MAP3K14: variants seen among roughly 807,000 people sequenced by gnomAD.
MAP3K14 encodes the protein mitogen-activated protein kinase kinase kinase 14, also known as NF-kappa-beta-inducing kinase.
MAP3K14 carries 16 observed loss-of-function variants against 99.2 expected under a neutral mutation model. The ratio of observed to expected loss-of-function variants is 0.16; its 90% CI spans 0.11 to 0.24. MAP3K14 has a LOEUF of 0.24. Among genes scored for constraint, MAP3K14 ranks in the 10% least tolerant of loss-of-function variants. The pLI, the probability that MAP3K14 is intolerant of heterozygous loss-of-function variation, is 1.00. For missense variants in MAP3K14, 784 were observed against 1,208.7 expected (o/e 0.65, Z 5.21); for synonymous variants, 462 against 492.4 (o/e 0.94, Z 0.82).
rs2044154682 is a variant in MAP3K14 at position 45,273,398 on chromosome 17, C to T, written c.1657+105G>A. On this transcript the variant is annotated intron_variant, in intron 9 of 15. Transcript: ENST00000344686. ...AGGCTGGTTGCGGGGCTTAAACACACAGGTGGACCTAAGTGTTCACACCTC... is the reference window on the plus strand; with the variant it reads ...AGGCTGGTTGCGGGGCTTAAACACATAGGTGGACCTAAGTGTTCACACCTC... The T allele has an allele frequency of 6.1e-6, 5 of 824,674 alleles. No individual in the cohort carries two copies. The South Asian group carries it at 8.2e-5, about 14-fold the overall frequency. The allele number at this position is 824,674 out of a possible 1,614,324, so 51.1% of individuals were successfully genotyped here. A position where few individuals can be genotyped will look rare whatever the true frequency, so the allele number is the denominator to read the frequency against.
At chr17:45,275,152 TA>T (rs1177840962) in intron 6 of MAP3K14, among the ~76,000 whole-genome samples, 1 of 137,340 alleles carries the variant, frequency 7.3e-6, no homozygotes, top group Non-Finnish European at 1.6e-5. Flanking sequence ...AAAAAAAAAT[TA>T]AAAAAACAAA....
chr17:45,269,913 C>T (rs2044128928), intron 11 of MAP3K14, among the ~76,000 whole-genome samples: 2 of 152,328 alleles, frequency 1.3e-5, no homozygotes, highest in South Asian at 4.1e-4. Flanking sequence ...GGGTCCCTGA[C>T]TTATAGCCAG....
In MAP3K14 at chr17:45,274,491, C is replaced by T. The variant is rs371252633; in HGVS notation, c.1393G>A (p.Val465Ile). 1.9e-6 allele frequency: 3 copies of T among 1,613,854 alleles called. No homozygotes were observed. Among genetic ancestry groups the T allele is most frequent in the Non-Finnish European group, 2.5e-6 (3 of 1,179,890 alleles). Residue 465 changes from valine to isoleucine, a missense_variant, in exon 7 of 16, where the codon GTC becomes ATC. By Grantham distance (29) the Val-to-Ile change is conservative (BLOSUM62 3). This residue lies in a region of MAP3K14 where 200 missense variants were observed against 367.9 expected (regional missense o/e 0.54). Coordinates refer to ENST00000344686, the MANE Select transcript of MAP3K14 (RefSeq NM_003954.5). ...LYGAVREGPW[V>I]NIFMELLEGG... ...TCCAGCAGCTCCATGAAGATGTTGA[C>T]CCAAGGCCCTTCTCTCACAGCTCCA...
chr17:45,289,294 G>C lies in MAP3K14; in HGVS notation c.268C>G (p.Gln90Glu). The C allele has an allele frequency of 3.1e-6, 5 of 1,613,942 alleles. No individual in the cohort carries two copies. The highest frequency in any genetic ancestry group is 3.4e-6 in the Non-Finnish European group (4 of 1,179,836). ...TCTGAAAAGGTGGGGCTGAACTCTT[G>C]GCTATTCTCACCTAAAGCAAAAGGA... ...IIAQAECENS[Q>E]EFSPTFSERI... Residue 90 changes from glutamine (Q) to glutamate (E), a missense_variant, in exon 3 of 16, where the codon CAA (glutamine) becomes GAA (glutamate). Transcript: ENST00000344686.
intron 11 of MAP3K14, 130 bp downstream of exon 11, chr17:45,270,283 G>C: frequency 8.6e-7 from 1 of 1,158,154 alleles, no homozygotes; most frequent in Non-Finnish European, 1.2e-6. Flanking sequence ...TGAGGCTGCT[G>C]CACCCCCATA....
chr17:45,292,192 A>G (rs2044315632), intron 1 of MAP3K14, among the ~76,000 whole-genome samples: 2 of 152,222 alleles, frequency 1.3e-5, no homozygotes, highest in Non-Finnish European at 1.5e-5. Flanking sequence ...GCTTCCTGCA[A>G]GGATGCCTGG....
chr17:45,314,602 T>C (rs1354717813), intron 1 of MAP3K14, among the ~76,000 whole-genome samples: 1 of 152,144 alleles, frequency 6.6e-6, no homozygotes, highest in Non-Finnish European at 1.5e-5. Flanking sequence ...TTTAGTTGCA[T>C]TTTAACCTTT....
chr17:45,291,616 C>T (rs574687321), intron 1 of MAP3K14, among the ~76,000 whole-genome samples: 1 of 152,300 alleles, frequency 6.6e-6, no homozygotes, highest in East Asian at 1.9e-4. Flanking sequence ...AAGAGCAACC[C>T]AGAGTTGCCA....
intron 14 of MAP3K14, 64 bp downstream of exon 14, chr17:45,266,472 GC>G: frequency 6.6e-7 from 1 of 1,523,684 alleles, no homozygotes; most frequent in East Asian, 2.3e-5. Context: ...TCCCTCAATG[GC>G]TGTCTAGCTC....
intron 6 of MAP3K14, among the ~76,000 whole-genome samples, chr17:45,276,868 A>C (rs1334289545): frequency 7.0e-5 from 7 of 100,046 alleles, no homozygotes; most frequent in South Asian, 3.2e-4. Context: ...TCGCTCTGTC[A>C]CCAGGCTGGA....
chr17:45,266,469 A>G lies in MAP3K14; in HGVS notation c.2578+68T>C, dbSNP rs140879190. The G allele has an allele frequency of 1.2e-5, 18 of 1,523,170 alleles. No homozygotes were observed. The African/African-American group carries it at 1.8e-4, about 15-fold the overall frequency. The allele number at this position is 1,523,170 out of a possible 1,614,324, so 94.4% of individuals were successfully genotyped here. ...AGAGGAGGGGAGACAAAATCCCTCA[A>G]TGGCTGTCTAGCTCCAGGCAGATCA... On this transcript the variant is annotated intron_variant, in intron 14 of 15. Coordinates refer to ENST00000344686, the MANE Select transcript of MAP3K14 (RefSeq NM_003954.5).
chr17:45,308,045 A>G (rs570648677), intron 1 of MAP3K14, among the ~76,000 whole-genome samples: 7 of 152,338 alleles, frequency 4.6e-5, no homozygotes, highest in East Asian at 1.9e-4. Flanking sequence ...GGGAAGGTAA[A>G]AAAGGGCTTG....
rs58052118 is a variant in MAP3K14 at position 45,290,932 on chromosome 17, C to A, written c.-20-167G>T. The A allele has an allele frequency of 1.5e-4, 97 of 627,376 alleles. No homozygotes were observed. The African/African-American group carries it at 1.6e-3, about 10-fold the overall frequency. The allele number at this position is 627,376 out of a possible 1,614,324, so 38.9% of individuals were successfully genotyped here. ...CAAACATCCTCAATGGTAACAGAGTCCACCTCTCAACAGCTACACGTTCCA... is the reference window on the plus strand; with the variant it reads ...CAAACATCCTCAATGGTAACAGAGTACACCTCTCAACAGCTACACGTTCCA... On this transcript the variant is annotated intron_variant, in intron 1 of 15. Transcript: ENST00000344686.
intron 6 of MAP3K14, among the ~76,000 whole-genome samples, chr17:45,276,455 G>A (rs2044180742): frequency 6.6e-6 from 1 of 152,172 alleles, no homozygotes. Flanking sequence ...CACTCAGGAA[G>A]TGCTAGCTCC....
rs376778967 is a variant in MAP3K14, at chr17:45,290,533, G to A, written c.213C>T (p.Ser71=). The A allele has an allele frequency of 8.3e-5, 134 of 1,613,722 alleles. No individual in the cohort carries two copies. The highest frequency in any genetic ancestry group is 8.0e-5 in the Non-Finnish European group (94 of 1,179,884). ...TAGAGATGGCAGCTGGCCCTGCCTCGGAGCCTTCCTTGGCTGTGCCCTTGG... is the reference window on the plus strand; with the variant it reads ...TAGAGATGGCAGCTGGCCCTGCCTCAGAGCCTTCCTTGGCTGTGCCCTTGG... ...VITKGTAKEG[S]EAGPAAISII... The change falls in exon 2 of 16, where the codon TCC becomes TCT. Residue 71 remains serine (S), a synonymous_variant. Transcript: ENST00000344686.
intron 2 of MAP3K14, among the ~76,000 whole-genome samples, chr17:45,289,725 C>G (rs2044295935): frequency 6.6e-6 from 1 of 152,166 alleles, no homozygotes; most frequent in South Asian, 2.1e-4. Flanking sequence ...TATTATGTCA[C>G]TCTCTGTATT....
intron 8 of MAP3K14, 169 bp from the exon 9 acceptor site, chr17:45,273,776 T>C (rs1158397701): frequency 1.4e-6 from 1 of 697,966 alleles, no homozygotes; most frequent in Admixed American, 2.0e-5. Context: ...GAGGAGGGTA[T>C]CAATTCAGGC....
At chr17:45,309,601 G>A (rs2044456601) in intron 1 of MAP3K14, among the ~76,000 whole-genome samples, 1 of 152,194 alleles carries the variant, frequency 6.6e-6, no homozygotes, top group African/African-American at 2.4e-5. Context: ...CACAGGCTCT[G>A]AGAGCCTGGC....
chr17:45,296,861 C>T (rs959295729), intron 1 of MAP3K14, among the ~76,000 whole-genome samples: 1 of 152,206 alleles, frequency 6.6e-6, no homozygotes, highest in Non-Finnish European at 1.5e-5. Context: ...GGCCTATCTA[C>T]TCAATGAAGC....
Sources: allele counts gnomAD v4.1 joint callset (sites outside exome capture counted in the v4.1 genomes callset), GRCh38; gene constraint gnomAD v4.1.1; regional missense constraint gnomAD v4.1.1; transcripts MANE v1.5; gene names NCBI Gene and HGNC (gene_info 2026-07-23, HGNC 2026-07-21).